Variants in SPATA9 observed in about 807,000 individuals in gnomAD.
SPATA9 encodes spermatogenesis associated 9.
In SPATA9, 27 loss-of-function variants were observed where a neutral mutation model predicts 25.5. That is an observed-to-expected ratio of 1.06 (90% CI 0.78 to 1.46). SPATA9 has a LOEUF of 1.46. Among genes scored for constraint, SPATA9 ranks in the 40% most tolerant of loss-of-function variants. SPATA9 has a pLI of 0.00. For synonymous variants in SPATA9, 102 were observed against 105.7 expected, an observed-to-expected ratio of 0.97 and a Z score of 0.21; for missense variants, 282 against 297.5, an observed-to-expected ratio of 0.95 and a Z score of 0.38.
intron 4 of SPATA9, among the ~76,000 whole-genome samples, chr5:95,663,659 T>C (rs1010029364): frequency 6.6e-6 from 1 of 152,094 alleles, no homozygotes; most frequent in Non-Finnish European, 1.5e-5. Flanking sequence ...CATGGTACAA[T>C]GGCTGAAAAA....
Position 95,658,544 on chromosome 5 carries a change from AAACTAGACTC to A in SPATA9, c.*69_*78del. On this transcript the variant is annotated 3_prime_UTR_variant, in exon 5 of 5. Transcript: ENST00000274432. ...GAAAGCAGAGCAATTCAGAATATGTAAACTAGACTCTGAGTTTTGTCAGATGAAATGTGCC... is the reference window on the plus strand; with the variant it reads ...GAAAGCAGAGCAATTCAGAATATGTATGAGTTTTGTCAGATGAAATGTGCC... 1 of 1,479,160 alleles carries A rather than the reference AAACTAGACTC, an allele frequency of 6.8e-7. No homozygotes were observed. The highest frequency in any genetic ancestry group is 9.0e-7 in the Non-Finnish European group (1 of 1,116,070). 91.6% of individuals were successfully genotyped at this position (1,479,160 alleles called of 1,614,324 possible). A position where few individuals can be genotyped will look rare whatever the true frequency, so the allele number is the denominator to read the frequency against.
the SPATA9 span, among the ~76,000 whole-genome samples, chr5:95,710,044 A>T: frequency 6.6e-6 from 1 of 152,124 alleles, no homozygotes; most frequent in South Asian, 2.1e-4. Flanking sequence ...TCCTTACCCC[A>T]TCGGAGAGCC....
the SPATA9 span, among the ~76,000 whole-genome samples, chr5:95,708,311 A>T: frequency 6.7e-6 from 1 of 150,354 alleles, no homozygotes; most frequent in East Asian, 1.9e-4. Context: ...TGAGACCAGG[A>T]TTTTTTTTTT....
intron 3 of SPATA9, among the ~76,000 whole-genome samples, chr5:95,668,779 G>C (rs34901): frequency 0.4 from 60,612 of 151,968 alleles, 12,761 homozygotes; most frequent in East Asian, 0.58. Context: ...TCTCATAAAA[G>C]AAGTATGTGT....
At chr5:95,669,556 A>G (rs965615997) in intron 3 of SPATA9, among the ~76,000 whole-genome samples, 4 of 152,186 alleles carry the variant, frequency 2.6e-5, no homozygotes, top group African/African-American at 9.7e-5. Flanking sequence ...CTTATTCTAT[A>G]CCATGCCGCA....
chr5:95,726,813 C>G, the SPATA9 span, among the ~76,000 whole-genome samples: 1 of 152,176 alleles, frequency 6.6e-6, no homozygotes, highest in African/African-American at 2.4e-5. Flanking sequence ...TGAAAGTGAA[C>G]AAAGGAGGCA....
the SPATA9 span, chr5:95,731,693 G>C: frequency 3.1e-6 from 5 of 1,613,182 alleles, no homozygotes; most frequent in South Asian, 3.3e-5. Flanking sequence ...ATGTACGTAC[G>C]CGCCGCCGTC....
At chr5:95,710,895 T>C in the SPATA9 span, among the ~76,000 whole-genome samples, 32 of 152,178 alleles carry the variant, frequency 2.1e-4, no homozygotes, top group Non-Finnish European at 4.1e-4. Flanking sequence ...CTGACTGATA[T>C]TCATTCCAGC....
chr5:95,694,252 G>C (rs535076378), intron 1 of SPATA9, among the ~76,000 whole-genome samples: 1 of 152,232 alleles, frequency 6.6e-6, no homozygotes, highest in Admixed American at 6.5e-5. Context: ...TCTTTAGTTA[G>C]AAGTCTTAGA....
At chr5:95,720,207 T>G in the SPATA9 span, among the ~76,000 whole-genome samples, 13 of 152,174 alleles carry the variant, frequency 8.5e-5, no homozygotes, top group Admixed American at 7.9e-4. Context: ...AACTGAAGAA[T>G]GAGCCTTGGA....
At chr5:95,725,335 A>C in the SPATA9 span, among the ~76,000 whole-genome samples, 1 of 152,248 alleles carries the variant, frequency 6.6e-6, no homozygotes, top group Non-Finnish European at 1.5e-5. Flanking sequence ...AAGAGTTCAA[A>C]AGGAAGCAAA....
chr5:95,677,712 T>C (rs1050988547), intron 2 of SPATA9, among the ~76,000 whole-genome samples: 2 of 152,226 alleles, frequency 1.3e-5, no homozygotes, highest in Admixed American at 1.3e-4. Flanking sequence ...TGGATTCTCA[T>C]ATGTCCTGTC....
At chr5:95,695,768 C>T (rs1754001085) in intron 1 of SPATA9, among the ~76,000 whole-genome samples, 1 of 152,140 alleles carries the variant, frequency 6.6e-6, no homozygotes, top group African/African-American at 2.4e-5. Flanking sequence ...TCTTAGATAG[C>T]CCAGTGATCC....
the SPATA9 span, among the ~76,000 whole-genome samples, chr5:95,720,330 A>T: frequency 5.9e-5 from 9 of 152,024 alleles, no homozygotes; most frequent in African/African-American, 2.2e-4. Flanking sequence ...ATTTAGATCA[A>T]TTCACTTCCT....
the SPATA9 span, among the ~76,000 whole-genome samples, chr5:95,728,445 A>T: frequency 1.3e-5 from 2 of 152,290 alleles, no homozygotes; most frequent in African/African-American, 4.8e-5. Context: ...ATCTATTAAG[A>T]CCTAAGACAA....
downstream of SPATA9, chr5:95,652,799 C>T (rs144090045): frequency 4.3e-3 from 1,407 of 326,020 alleles, 18 homozygotes; most frequent in African/African-American, 0.023. Flanking sequence ...TTATCCCCTA[C>T]AGCATCAACC....
At chr5:95,698,137 T>C (rs169883) in intron 1 of SPATA9, among the ~76,000 whole-genome samples, 86,457 of 152,064 alleles carry the variant, frequency 0.57, 24,752 homozygotes, top group East Asian at 0.8. Flanking sequence ...CTTGGGACTT[T>C]CATTTGGGAA....
chr5:95,691,295 C>T (rs990829311), intron 1 of SPATA9, among the ~76,000 whole-genome samples: 3 of 152,064 alleles, frequency 2.0e-5, no homozygotes, highest in African/African-American at 4.8e-5. Context: ...TTACTTTCAT[C>T]CATCTGAATA....
intron 4 of SPATA9, among the ~76,000 whole-genome samples, chr5:95,661,934 A>G (rs1465626103): frequency 6.6e-6 from 1 of 152,176 alleles, no homozygotes; most frequent in Non-Finnish European, 1.5e-5. Flanking sequence ...AAAAAACATA[A>G]AAATGATTAA....
Sources: allele counts gnomAD v4.1 joint callset (sites outside exome capture counted in the v4.1 genomes callset), GRCh38; gene constraint gnomAD v4.1.1; transcripts MANE v1.5; gene names NCBI Gene and HGNC (gene_info 2026-07-23, HGNC 2026-07-21).